Variants in SIK2 observed in about 807,000 individuals in gnomAD.
SIK2 encodes the protein serine/threonine-protein kinase SIK2.
Under a neutral mutation model 103.2 loss-of-function variants are expected in SIK2, and 29 were observed. The ratio of observed to expected loss-of-function variants is 0.28; its 90% CI spans 0.21 to 0.38. SIK2 has a LOEUF of 0.38. SIK2 is among the 10% of genes least tolerant of loss of function. The pLI is 1.00. For missense variants in SIK2, 879 were observed against 1,171.0 expected (o/e 0.75, Z 3.64); for synonymous variants, 412 against 446.1 (o/e 0.92, Z 0.96).
intron 1 of SIK2, among the ~76,000 whole-genome samples, chr11:111,610,592 TCC>T: frequency 3.2e-5 from 1 of 31,396 alleles, no homozygotes; most frequent in East Asian, 0.036. Flanking sequence ...TAATTCTTTG[TCC>T]TCCTGTATAA....
intron 8 of SIK2, among the ~76,000 whole-genome samples, chr11:111,708,562 AACC>A (rs1305597363): frequency 1.3e-5 from 2 of 152,032 alleles, no homozygotes; most frequent in Admixed American, 1.3e-4. Context: ...CATACATTCT[AACC>A]ACTAATTTTG....
At position 111,637,545 on chromosome 11, in the gene SIK2, T is replaced by C. The variant is rs371106483; in HGVS notation, c.316+17143T>C. Among the ~76,000 whole-genome samples, 5 of 149,814 alleles carry C rather than the reference T, an allele frequency of 3.3e-5. No individual in the cohort carries two copies. The East Asian group carries it at 9.9e-4, about 30-fold the overall frequency. ...CACAATCTTGGCTCATTGCAACCTC[T>C]GCCTCCCAGGTTCAAGTGATTCTCC... is the stretch of plus-strand genomic sequence containing the variant. On this transcript the variant is annotated intron_variant, in intron 3 of 14. Transcript: ENST00000304987.
Position 111,724,148 on chromosome 11 carries a change from G to C in SIK2, c.*19G>C. The stretch of plus-strand genomic sequence containing the variant: ...GAATTAGTCTCAGCACAGGAATTGA[G>C]GTGGGTCAGGTGAAGGAAGAGTGTA... On this transcript the variant is annotated 3_prime_UTR_variant, in exon 15 of 15. Coordinates refer to ENST00000304987, the MANE Select transcript of SIK2 (RefSeq NM_015191.3). The C allele has an allele frequency of 6.3e-7, 1 of 1,595,914 alleles. No individual in the cohort carries two copies. Among genetic ancestry groups the C allele is most frequent in the Non-Finnish European group, 8.5e-7 (1 of 1,172,318 alleles).
chr11:111,709,940 C>T (rs1396236104), intron 8 of SIK2, among the ~76,000 whole-genome samples: 1 of 152,204 alleles, frequency 6.6e-6, no homozygotes, highest in East Asian at 1.9e-4. Context: ...TAGTGAGAGT[C>T]AGGGACGGAG....
In SIK2 at chr11:111,680,341, A is replaced by T. The variant is rs1042779168; in HGVS notation, c.317-7660A>T. 5.3e-5 allele frequency among the ~76,000 whole-genome samples: 8 copies of T among 152,126 alleles called. 1 individual carries two copies. Among genetic ancestry groups the T allele is most frequent in the Non-Finnish European group, 1.0e-4 (7 of 68,016 alleles). On this transcript the variant is annotated intron_variant, in intron 3 of 14. Transcript: ENST00000304987. ...TTCCTGAAAACACTGTTTCTCTTCA[A>T]ATTTATAACTAGAATTGTGAAGTCT...
chr11:111,698,836 A>G (rs1161584464), intron 4 of SIK2, among the ~76,000 whole-genome samples: 1 of 152,262 alleles, frequency 6.6e-6, no homozygotes, highest in Non-Finnish European at 1.5e-5. Context: ...TATGTATTTC[A>G]GGATCTCTGA....
chr11:111,712,154 G>A (rs980048347), intron 8 of SIK2, 57 bp from the exon 9 acceptor site: 79 of 1,486,448 alleles, frequency 5.3e-5, no homozygotes, highest in Non-Finnish European at 1.0e-5. Flanking sequence ...AGAACTTTGT[G>A]TATTTATAGA....
chr11:111,721,022 C>T lies in SIK2; in HGVS notation c.1904C>T (p.Ala635Val), dbSNP rs148331121. Residue 635 changes from alanine (A) to valine (V), a missense_variant, in exon 12 of 15, where the codon GCG (alanine) becomes GTG (valine). This residue lies in a region of SIK2 where 375 missense variants were observed against 416.3 expected (regional missense o/e 0.90). Transcript: ENST00000304987. ...GAGGCAGACCCTAACCTGGCGCCGG[C>T]GGCTCCTCAGCTCCAGGACCTTGCT... ...GPEADPNLAP[A>V]APQLQDLASS... 7.2e-4 allele frequency: 1,158 copies of T among 1,613,988 alleles called. 2 individuals are homozygous for T. Among genetic ancestry groups the T allele is most frequent in the Non-Finnish European group, 8.4e-4 (993 of 1,179,910 alleles).
At chr11:111,678,503 G>A (rs1198996185) in intron 3 of SIK2, among the ~76,000 whole-genome samples, 4 of 152,158 alleles carry the variant, frequency 2.6e-5, no homozygotes, top group Non-Finnish European at 5.9e-5. Context: ...GGACAGTTGA[G>A]GGCCGTGAGT....
chr11:111,620,291 A>C (rs1941865522), intron 2 of SIK2, 48 bp from the exon 3 acceptor site: 6 of 1,208,366 alleles, frequency 5.0e-6, no homozygotes, highest in Non-Finnish European at 7.1e-6. Context: ...TATTGTGGAA[A>C]ATTCCAGTAC....
chr11:111,617,556 T>C (rs1278370809), intron 2 of SIK2, among the ~76,000 whole-genome samples: 2 of 152,170 alleles, frequency 1.3e-5, no homozygotes, highest in Admixed American at 1.3e-4. Flanking sequence ...AAAATCTGCA[T>C]TGGTAGGAAG....
At chr11:111,615,516 G>A (rs1392901359) in intron 1 of SIK2, among the ~76,000 whole-genome samples, 1 of 151,806 alleles carries the variant, frequency 6.6e-6, no homozygotes, top group East Asian at 1.9e-4. Context: ...TTAATTGCAT[G>A]AAAAAAATGT....
chr11:111,697,048 A>C (rs1375970778), intron 4 of SIK2, among the ~76,000 whole-genome samples: 1 of 152,182 alleles, frequency 6.6e-6, no homozygotes, highest in Non-Finnish European at 1.5e-5. Flanking sequence ...AACTTCTTCA[A>C]AAATAACTAT....
At position 111,602,662 on chromosome 11, in the gene SIK2, G is replaced by A; in HGVS notation, c.99G>A (p.Val33=). ...CGCTGGGCAAGGGCAACTTCGCTGT[G>A]GTGAAGCTGGGGCGGCACCGGATCA... is the stretch of plus-strand genomic sequence containing the variant. ...EGTLGKGNFA[V]VKLGRHRITK... is the part of the protein sequence containing the mutation. Residue 33 remains valine, a synonymous_variant, in exon 1 of 15, where the codon GTG becomes GTA. Transcript: ENST00000304987. The surrounding 1 kb of genome is among the most constrained non-coding windows in gnomAD (Gnocchi z 4.5). 2 of 1,531,308 alleles carry A rather than the reference G, an allele frequency of 1.3e-6. No homozygotes were observed. Among genetic ancestry groups the A allele is most frequent in the South Asian group, 2.4e-5 (2 of 82,304 alleles). The allele number at this position is 1,531,308 out of a possible 1,614,324, so 94.9% of individuals were successfully genotyped here.
At position 111,722,970 on chromosome 11, in the gene SIK2, GT is replaced by G. The variant is rs1943847928; in HGVS notation, c.2147+218del. Among the ~76,000 whole-genome samples, 2 of 152,312 alleles carry G rather than the reference GT, an allele frequency of 1.3e-5. No homozygotes were observed. Among genetic ancestry groups the G allele is most frequent in the South Asian group, 4.1e-4 (2 of 4,822 alleles). On this transcript the variant is annotated intron_variant, in intron 14 of 14. Coordinates refer to ENST00000304987, the MANE Select transcript of SIK2 (RefSeq NM_015191.3). This position sits in a 1 kb window ranked among gnomAD's most constrained non-coding sequence, Gnocchi z 4.4. ...CACTGGCAGCCCCACAGTGTACTTT[GT>G]TTTCCTTTTCTTCTAGCGTTTCCTC...
intron 1 of SIK2, among the ~76,000 whole-genome samples, chr11:111,604,862 T>C (rs999439977): frequency 6.6e-6 from 1 of 152,132 alleles, no homozygotes; most frequent in Non-Finnish European, 1.5e-5. Context: ...GTGGGTGTGA[T>C]TGGAGATATT....
chr11:111,617,938 T>C (rs76259632), intron 2 of SIK2, among the ~76,000 whole-genome samples: 1 of 152,044 alleles, frequency 6.6e-6, no homozygotes, highest in Non-Finnish European at 1.5e-5. Flanking sequence ...TATTGTATTT[T>C]ATTTTTTTTA....
intron 3 of SIK2, among the ~76,000 whole-genome samples, chr11:111,664,185 C>T (rs1942504729): frequency 1.3e-5 from 2 of 152,178 alleles, no homozygotes; most frequent in African/African-American, 4.8e-5. Context: ...TTGTCCTTTT[C>T]TGTATTTTTC....
chr11:111,722,252 C>A lies in SIK2; in HGVS notation c.2055+312C>A, dbSNP rs1029060659. Among the ~76,000 whole-genome samples the A allele has an allele frequency of 2.0e-5, 3 of 152,078 alleles. No individual in the cohort carries two copies. Among genetic ancestry groups the A allele is most frequent in the Non-Finnish European group, 2.9e-5 (2 of 68,020 alleles). The stretch of plus-strand genomic sequence containing the variant: ...TAATGAGTAACAAATAAAATGAAAA[C>A]CTTAAGTCTGCAGAATTTCTACATG... On this transcript the variant is annotated intron_variant, in intron 13 of 14. Transcript: ENST00000304987. This position sits in a 1 kb window ranked among gnomAD's most constrained non-coding sequence, Gnocchi z 4.4.
Sources: gnomAD v4.1 joint callset for allele counts (sites outside exome capture counted in the v4.1 genomes callset) on GRCh38, gnomAD v4.1.1 for gene constraint, gnomAD v4.1.1 regional missense constraint, Gnocchi (gnomAD v3.1) non-coding constraint, MANE v1.5 for transcripts, NCBI Gene and HGNC (gene_info 2026-07-23, HGNC 2026-07-21) for gene names.